RALGAPB: variants seen among roughly 807,000 people sequenced by gnomAD.
RALGAPB encodes the protein Ral GTPase activating protein non-catalytic subunit beta.
Under a neutral mutation model 161.1 loss-of-function variants are expected in RALGAPB, and 25 were observed. That is an observed-to-expected ratio of 0.16 (90% CI 0.11 to 0.22). The LOEUF (loss-of-function observed/expected upper bound fraction) is 0.22. Among genes scored for constraint, RALGAPB ranks in the 10% least tolerant of loss-of-function variants. The pLI is 1.00. For synonymous variants in RALGAPB, 629 were observed against 626.1 expected, an observed-to-expected ratio of 1.00 and a Z score of -0.07; for missense variants, 1,391 against 1,815.2, an observed-to-expected ratio of 0.77 and a Z score of 4.25.
rs1227308096 is a variant in RALGAPB at position 38,515,794 on chromosome 20, T to A, written c.873-398T>A. ...TTGCTCAGGCTGGAATGCATTGGCA[T>A]GATCATAGCTCACTGCAGCCTCGGC... On this transcript the variant is annotated intron_variant, in intron 6 of 29. Coordinates refer to ENST00000262879, the MANE Select transcript of RALGAPB (RefSeq NM_020336.4). Among the ~76,000 whole-genome samples, 68 of 152,196 alleles carry A rather than the reference T, an allele frequency of 4.5e-4. 1 individual carries two copies. Among genetic ancestry groups the A allele is most frequent in the Admixed American group, 1.2e-3 (19 of 15,280 alleles).
At chr20:38,491,035 T>C (rs560495894) in intron 2 of RALGAPB, among the ~76,000 whole-genome samples, 53 of 152,352 alleles carry the variant, frequency 3.5e-4, no homozygotes, top group African/African-American at 1.3e-3. Flanking sequence ...GCAATGTCTT[T>C]TAGAATCTCT....
At chr20:38,492,820 A>G (rs1749946006) in intron 2 of RALGAPB, 110 bp from the exon 3 acceptor site, 2 of 830,626 alleles carry the variant, frequency 2.4e-6, no homozygotes, top group South Asian at 3.4e-5. Flanking sequence ...GTTGAGACGA[A>G]TATACTGTCA....
intron 22 of RALGAPB, among the ~76,000 whole-genome samples, chr20:38,554,805 C>T (rs985923646): frequency 7.2e-5 from 11 of 152,136 alleles, no homozygotes; most frequent in African/African-American, 4.8e-5. Context: ...CAGCCAGGTG[C>T]GGTGGCTTAT....
intron 13 of RALGAPB, among the ~76,000 whole-genome samples, chr20:38,528,437 TCA>T (rs2086540223): frequency 1.3e-5 from 2 of 151,904 alleles, no homozygotes; most frequent in African/African-American, 4.8e-5. Flanking sequence ...AGTGGTGCAA[TCA>T]TGGGTCACTG....
rs567245712 is a variant in RALGAPB at position 38,575,269 on chromosome 20, A to C, written c.*302A>C. 6 of 271,062 alleles carry C rather than the reference A, an allele frequency of 2.2e-5. No individual in the cohort carries two copies. Among genetic ancestry groups the C allele is most frequent in the Non-Finnish European group, 4.2e-5 (6 of 142,766 alleles). 16.8% of individuals were successfully genotyped at this position (271,062 alleles called of 1,614,324 possible). ...AAGCCTTTTGAGGAGAAAGGCTTTT[A>C]TGCATCTCAGTTAAACACGTGCATT... On this transcript the variant is annotated 3_prime_UTR_variant, in exon 30 of 30. Transcript: ENST00000262879.
chr20:38,487,185 G>A (rs1163773022), intron 1 of RALGAPB, among the ~76,000 whole-genome samples: 1 of 152,202 alleles, frequency 6.6e-6, no homozygotes, highest in African/African-American at 2.4e-5. Flanking sequence ...GTGACTTAGG[G>A]TAAGAAAGGA....
rs6100056 is a variant in RALGAPB, at chr20:38,521,644, G to A, written c.1565G>A (p.Arg522Lys). The change falls in exon 10 of 30, where the codon AGG becomes AAG. Residue 522 changes from arginine (R) to lysine (K), a missense_variant. By Grantham distance (26) the Arg-to-Lys change is conservative (BLOSUM62 2). Around this residue, in one of 3 missense-constraint regions of RALGAPB, gnomAD observed 946 missense variants for 1,257.2 expected, o/e 0.75. Coordinates refer to ENST00000262879, the MANE Select transcript of RALGAPB (RefSeq NM_020336.4). Reference sequence around the variant, plus strand: ...GCTGAGGCTTGTGGGACACTGTGTAGGATTTTTTGTAGCAAGAAGACTGGA... The same window carrying A: ...GCTGAGGCTTGTGGGACACTGTGTAAGATTTTTTGTAGCAAGAAGACTGGA... ...GRAEACGTLC[R>K]IFCSKKTGEE... is the part of the protein sequence containing the mutation. 6.2e-7 allele frequency: 1 copy of A among 1,614,138 alleles called. No homozygotes were observed. The highest frequency in any genetic ancestry group is 1.7e-5 in the Admixed American group (1 of 60,020).
chr20:38,562,096 A>G (rs2087805675), intron 23 of RALGAPB, among the ~76,000 whole-genome samples: 1 of 152,236 alleles, frequency 6.6e-6, no homozygotes, highest in Non-Finnish European at 1.5e-5. Context: ...GAATTTTAGT[A>G]GATTTTATAG....
At chr20:38,530,780 A>G (rs2086628944) in intron 13 of RALGAPB, among the ~76,000 whole-genome samples, 1 of 151,732 alleles carries the variant, frequency 6.6e-6, no homozygotes. Flanking sequence ...TATTTTTAGT[A>G]GAGATGGGGT....
At chr20:38,531,324 G>T in intron 14 of RALGAPB, 93 bp downstream of exon 14, 1 of 1,116,078 alleles carries the variant, frequency 9.0e-7, no homozygotes, top group African/African-American at 1.6e-5. Flanking sequence ...AATTTTAAAG[G>T]CCTTTGGTTT....
intron 23 of RALGAPB, 128 bp from the exon 24 acceptor site, chr20:38,562,404 C>T: frequency 1.2e-6 from 1 of 815,430 alleles, no homozygotes; most frequent in South Asian, 2.2e-5. Flanking sequence ...AGTGATATAT[C>T]CTCAAATTTA....
intron 21 of RALGAPB, among the ~76,000 whole-genome samples, chr20:38,553,455 A>G (rs549939055): frequency 6.6e-6 from 1 of 152,198 alleles, no homozygotes; most frequent in East Asian, 1.9e-4. Context: ...GGAACCAGAG[A>G]CTGAATGTTT....
At chr20:38,536,098 T>A (rs1422364234) in intron 16 of RALGAPB, among the ~76,000 whole-genome samples, 1 of 152,174 alleles carries the variant, frequency 6.6e-6, no homozygotes, top group Non-Finnish European at 1.5e-5. Context: ...GTTTTTATCA[T>A]CCCTAAAGGA....
chr20:38,572,202 T>C (rs1472821375), intron 28 of RALGAPB, among the ~76,000 whole-genome samples: 2 of 152,210 alleles, frequency 1.3e-5, no homozygotes, highest in Non-Finnish European at 2.9e-5. Context: ...AAGCAAAATG[T>C]AATACTTTAT....
chr20:38,474,490 G>T (rs890545134), intron 1 of RALGAPB, among the ~76,000 whole-genome samples: 1 of 152,100 alleles, frequency 6.6e-6, no homozygotes, highest in South Asian at 2.1e-4. Context: ...TGTTGCCCAG[G>T]CTGGTCTCAA....
At chr20:38,475,453 G>C (rs980949008) in intron 1 of RALGAPB, among the ~76,000 whole-genome samples, 3 of 152,064 alleles carry the variant, frequency 2.0e-5, no homozygotes, top group Non-Finnish European at 4.4e-5. Flanking sequence ...ATTTGTTCTT[G>C]GTTGGTCTTA....
At chr20:38,478,868 G>A (rs751783679) in intron 1 of RALGAPB, among the ~76,000 whole-genome samples, 6 of 151,982 alleles carry the variant, frequency 3.9e-5, no homozygotes, top group African/African-American at 7.3e-5. Context: ...TGCCTACCTC[G>A]GCCTCCCAAA....
At chr20:38,531,304 C>T in intron 14 of RALGAPB, 73 bp downstream of exon 14, 1 of 1,310,374 alleles carries the variant, frequency 7.6e-7, no homozygotes, top group Non-Finnish European at 1.1e-6. Context: ...CCAGAATGTC[C>T]ATCTTTGTGA....
Position 38,513,268 on chromosome 20 carries a change from C to G in RALGAPB, c.873-2924C>G, listed in dbSNP as rs567956484. ...CCTGTAATCCCAACACTTTGGGAGG[C>G]CAAGGTGGGCGGATCCCTTGAAGTC... On this transcript the variant is annotated intron_variant, in intron 6 of 29. Coordinates refer to ENST00000262879, the MANE Select transcript of RALGAPB (RefSeq NM_020336.4). 2.6e-3 allele frequency among the ~76,000 whole-genome samples: 402 copies of G among 151,902 alleles called. 1 individual carries two copies. The highest frequency in any genetic ancestry group is 9.2e-3 in the African/African-American group (383 of 41,470).
Sources: allele counts gnomAD v4.1 joint callset (sites outside exome capture counted in the v4.1 genomes callset), GRCh38; gene constraint gnomAD v4.1.1; regional missense constraint gnomAD v4.1.1; transcripts MANE v1.5; gene names NCBI Gene and HGNC (gene_info 2026-07-23, HGNC 2026-07-21).